Variants in SKOR1 observed in about 807,000 individuals in gnomAD.
The protein encoded by SKOR1 is LBX1 corepressor 1.
A neutral mutation model predicts 72.4 loss-of-function variants in SKOR1; 38 were observed. The ratio of observed to expected loss-of-function variants is 0.52; its 90% CI spans 0.40 to 0.69. The LOEUF is 0.69. SKOR1 is among the 30% of genes least tolerant of loss of function. The probability of loss-of-function intolerance (pLI) is 0.00; values close to 1 mark genes in which losing one functional copy is unlikely to be tolerated. For synonymous variants in SKOR1, 642 were observed against 599.4 expected, an observed-to-expected ratio of 1.07 and a Z score of -1.04; for missense variants, 1,320 against 1,343.2, an observed-to-expected ratio of 0.98 and a Z score of 0.27.
At chr15:67,830,436 T>G in intron 4 of SKOR1, 138 bp downstream of exon 4, 1 of 762,330 alleles carries the variant, frequency 1.3e-6, no homozygotes, top group Non-Finnish European at 2.2e-6. Context: ...GGCGAGCAGA[T>G]AAATATTTAA....
chr15:67,830,765 C>T, intron 4 of SKOR1, 53 bp from the exon 5 acceptor site: 4 of 1,588,622 alleles, frequency 2.5e-6, no homozygotes, highest in Non-Finnish European at 3.5e-6. Context: ...CACCCCTCCC[C>T]TCTCAAGGGC....
Position 67,833,596 on chromosome 15 carries a change from C to A in SKOR1, c.2804-146C>A. 2.4e-6 allele frequency: 2 copies of A among 829,544 alleles called. No individual in the cohort carries two copies. Among genetic ancestry groups the A allele is most frequent in the Non-Finnish European group, 2.0e-6 (1 of 500,336 alleles). The allele number at this position is 829,544 out of a possible 1,614,324, so 51.4% of individuals were successfully genotyped here. A position where few individuals can be genotyped will look rare whatever the true frequency, so the allele number is the denominator to read the frequency against. On this transcript the variant is annotated intron_variant, in intron 8 of 8. Coordinates refer to ENST00000380035, the MANE Select transcript of SKOR1 (RefSeq NM_001365915.1). The surrounding 1 kb of genome is among the most constrained non-coding windows in gnomAD (Gnocchi z 6.0). ...GTGGTTCTGAATCACCAGCTTTTGT[C>A]CTACCCTCCTGCCTCCTCCTGATCC...
In SKOR1 at chr15:67,832,869, G is replaced by A. The variant is rs144355532; in HGVS notation, c.2737+188G>A. The A allele has an allele frequency of 9.0e-5, 55 of 611,054 alleles. No individual in the cohort carries two copies. The highest frequency in any genetic ancestry group is 7.6e-4 in the African/African-American group (41 of 54,230). The allele number at this position is 611,054 out of a possible 1,614,324, so 37.9% of individuals were successfully genotyped here. ...AGCGAGCCCAGCAAACGGCTTGCAGGCATCATTACATGGAGTGATTGAACT... is the reference window on the plus strand; with the variant it reads ...AGCGAGCCCAGCAAACGGCTTGCAGACATCATTACATGGAGTGATTGAACT... On this transcript the variant is annotated intron_variant, in intron 7 of 8. Coordinates refer to ENST00000380035, the MANE Select transcript of SKOR1 (RefSeq NM_001365915.1). This position sits in a 1 kb window ranked among gnomAD's most constrained non-coding sequence, Gnocchi z 4.5.
At chr15:67,829,442 C>T (rs2090991219) in intron 3 of SKOR1, among the ~76,000 whole-genome samples, 173 bp downstream of exon 3, 1 of 152,264 alleles carries the variant, frequency 6.6e-6, no homozygotes, top group Admixed American at 6.5e-5. Context: ...AACTTCCAAT[C>T]TTTAGTTACT....
In SKOR1 at chr15:67,827,366, TGGCGGCAGCCGTGGC is replaced by T. The variant is rs763636125; in HGVS notation, c.1548_1562del (p.Val517_Ala521del). The T allele has an allele frequency of 4.3e-5, 68 of 1,568,854 alleles. No homozygotes were observed. Among genetic ancestry groups the T allele is most frequent in the Non-Finnish European group, 5.5e-5 (64 of 1,167,642 alleles). The stretch of plus-strand genomic sequence containing the variant: ...GCTGCTCAGAGCCAAGCCAAGGCCG[TGGCGGCAGCCGTGGC>T]GGCGGCAGCGGCGGCGGCAGCGGCA... On this transcript the variant is annotated inframe_deletion, in exon 2 of 9. Coordinates refer to ENST00000380035, the MANE Select transcript of SKOR1 (RefSeq NM_001365915.1).
chr15:67,827,393 C>T lies in SKOR1; in HGVS notation c.1565C>T (p.Ala522Val), dbSNP rs2090970243. Reference protein sequence around the residue: ...AVAAAVAAAAAAAAAAAGSGA... With the variant: ...AVAAAVAAAAVAAAAAAGSGA... Reference sequence around the variant, plus strand: ...GCGGCAGCCGTGGCGGCGGCAGCGGCGGCGGCAGCGGCAGCTGCTGGCAGC... The same window carrying T: ...GCGGCAGCCGTGGCGGCGGCAGCGGTGGCGGCAGCGGCAGCTGCTGGCAGC... The change falls in exon 2 of 9, where the codon GCG becomes GTG. Residue 522 changes from alanine to valine, a missense_variant. Ala to Val is a moderately conservative substitution (Grantham distance 64). This residue lies in a region of SKOR1 where 1,099 missense variants were observed against 1,025.5 expected (regional missense o/e 1.07). Coordinates refer to ENST00000380035, the MANE Select transcript of SKOR1 (RefSeq NM_001365915.1). 6.5e-7 allele frequency: 1 copy of T among 1,537,970 alleles called. No homozygotes were observed. The highest frequency in any genetic ancestry group is 2.5e-5 in the East Asian group (1 of 40,762).
chr15:67,830,082 G>C, intron 3 of SKOR1, 109 bp from the exon 4 acceptor site: 1 of 1,102,344 alleles, frequency 9.1e-7, no homozygotes, highest in Non-Finnish European at 1.3e-6. Flanking sequence ...AACCAGAGGC[G>C]GCCACGACGC....
rs1188661970 is a variant in SKOR1, at chr15:67,833,152, G to C, written c.2738-40G>C. ...CTGTGACCCCGGCCTTTCGGAGGGTGGTCTGCGTTTCCTCACTGGCCCCTC... is the reference window on the plus strand; with the variant it reads ...CTGTGACCCCGGCCTTTCGGAGGGTCGTCTGCGTTTCCTCACTGGCCCCTC... On this transcript the variant is annotated intron_variant, in intron 7 of 8. Coordinates refer to ENST00000380035, the MANE Select transcript of SKOR1 (RefSeq NM_001365915.1). The surrounding 1 kb of genome is among the most constrained non-coding windows in gnomAD (Gnocchi z 6.0). 1.2e-6 allele frequency: 2 copies of C among 1,610,746 alleles called. No homozygotes were observed. The highest frequency in any genetic ancestry group is 1.7e-6 in the Non-Finnish European group (2 of 1,177,518).
At position 67,833,939 on chromosome 15, in the gene SKOR1, C is replaced by A. The variant is rs2091028476; in HGVS notation, c.*103C>A. On this transcript the variant is annotated 3_prime_UTR_variant, in exon 9 of 9. Transcript: ENST00000380035. This position sits in a 1 kb window ranked among gnomAD's most constrained non-coding sequence, Gnocchi z 6.0. ...GAGGAACAAGCCATTCGGACCCGAC[C>A]GATGTAAATACAGCCGCCCGTCCGC... 13 of 1,289,692 alleles carry A rather than the reference C, an allele frequency of 1.0e-5. No homozygotes were observed. Among genetic ancestry groups the A allele is most frequent in the Non-Finnish European group, 1.4e-5 (13 of 904,410 alleles). 79.9% of individuals were successfully genotyped at this position (1,289,692 alleles called of 1,614,324 possible).
At chr15:67,829,583 T>C (rs2090992132) in intron 3 of SKOR1, among the ~76,000 whole-genome samples, 2 of 151,874 alleles carry the variant, frequency 1.3e-5, no homozygotes, top group Admixed American at 6.6e-5. Flanking sequence ...ATTCAGCAAG[T>C]GTGTTTGGCC....
At position 67,827,170 on chromosome 15, in the gene SKOR1, C is replaced by CCGGGGG. The variant is rs1160440715; in HGVS notation, c.1344_1349dup (p.Ala452_Gly453dup). Reference sequence around the variant, plus strand: ...GGGCCCGGGAGCCAGCCACTTGCCCCCGGGGGCAGGGGCGGGCCCGGGCGG... The same window carrying CCGGGGG: ...GGGCCCGGGAGCCAGCCACTTGCCCCCGGGGGCGGGGGCAGGGGCGGGCCCGGGCGG... On this transcript the variant is annotated inframe_insertion, in exon 2 of 9. Coordinates refer to ENST00000380035, the MANE Select transcript of SKOR1 (RefSeq NM_001365915.1). 7.4e-7 allele frequency: 1 copy of CCGGGGG among 1,355,660 alleles called. No homozygotes were observed. 84.0% of individuals were successfully genotyped at this position (1,355,660 alleles called of 1,614,324 possible).
At position 67,827,557 on chromosome 15, in the gene SKOR1, C is replaced by G; in HGVS notation, c.1729C>G (p.Pro577Ala). 3.3e-6 allele frequency: 5 copies of G among 1,520,458 alleles called. No individual in the cohort carries two copies. Among genetic ancestry groups the G allele is most frequent in the Non-Finnish European group, 4.4e-6 (5 of 1,141,180 alleles). The allele number at this position is 1,520,458 out of a possible 1,614,324, so 94.2% of individuals were successfully genotyped here. Residue 577 changes from proline to alanine, a missense_variant, in exon 2 of 9, where the codon CCG becomes GCG. Physicochemically the swap from Pro to Ala is conservative, Grantham distance 27. Around this residue, in one of 3 missense-constraint regions of SKOR1, gnomAD observed 1,099 missense variants for 1,025.5 expected, o/e 1.07. Transcript: ENST00000380035. ...CGAGGCGCTGCCACCGCCCCTGGCC[C>G]CGTTGCCCCCGCCGCCCCCGCCGCC... ...TDEALPPPLA[P>A]LPPPPPPPAR...
Position 67,827,916 on chromosome 15 carries a change from AC to A in SKOR1, c.2093del (p.Pro698LeufsTer68). ...GCCCAGACGGTGAACAGCCCACTGG[AC>A]CCCCTTCCGCCACCTCCTCTGGCGC... ...GGPDGEQPTG[P>X]PSATSSGADG... On this transcript the variant is annotated frameshift_variant, in exon 2 of 9. Coordinates refer to ENST00000380035, the MANE Select transcript of SKOR1 (RefSeq NM_001365915.1). LOFTEE classifies it high-confidence loss of function. 6.3e-7 allele frequency: 1 copy of A among 1,590,918 alleles called. No individual in the cohort carries two copies. The highest frequency in any genetic ancestry group is 8.5e-7 in the Non-Finnish European group (1 of 1,170,186).
rs990552766 is a variant in SKOR1, at chr15:67,829,339, G to A, written c.2407+70G>A. 19 of 1,310,590 alleles carry A rather than the reference G, an allele frequency of 1.4e-5. No homozygotes were observed. The African/African-American group carries it at 2.4e-4, about 16-fold the overall frequency. 81.2% of individuals were successfully genotyped at this position (1,310,590 alleles called of 1,614,324 possible). A position where few individuals can be genotyped will look rare whatever the true frequency, so the allele number is the denominator to read the frequency against. On this transcript the variant is annotated intron_variant, in intron 3 of 8. Transcript: ENST00000380035. ...AGACAGAGGGCCGGGGTCAAGGAAG[G>A]CCTGCGAAGGAAGACAAGGAGAGAG...
At position 67,832,222 on chromosome 15, in the gene SKOR1, A is replaced by G. The variant is rs1478267469; in HGVS notation, c.2588-52A>G. 10 of 1,577,408 alleles carry G rather than the reference A, an allele frequency of 6.3e-6. No individual in the cohort carries two copies. In the East Asian group the frequency reaches 2.0e-4, roughly 32 times the overall value. On this transcript the variant is annotated intron_variant, in intron 5 of 8. Coordinates refer to ENST00000380035, the MANE Select transcript of SKOR1 (RefSeq NM_001365915.1). This position sits in a 1 kb window ranked among gnomAD's most constrained non-coding sequence, Gnocchi z 4.5. ...TTGGCCAAGGCAGAACCTGAGCTCC[A>G]AATAACCCTGCTTTACCTCCCACTT...
At position 67,826,931 on chromosome 15, in the gene SKOR1, G is replaced by T. The variant is rs1284833507; in HGVS notation, c.1103G>T (p.Gly368Val). The change falls in exon 2 of 9, where the codon GGC (glycine) becomes GTC (valine). Residue 368 changes from glycine to valine, a missense_variant. This residue lies in a region of SKOR1 where 1,099 missense variants were observed against 1,025.5 expected (regional missense o/e 1.07). Coordinates refer to ENST00000380035, the MANE Select transcript of SKOR1 (RefSeq NM_001365915.1). The part of the protein sequence containing the change: ...AGPGGPGGGA[G>V]VRSYPVIPVP... ...CCAGGAGGGCCCGGTGGCGGCGCCGGCGTACGAAGCTACCCGGTGATCCCG... is the reference window on the plus strand; with the variant it reads ...CCAGGAGGGCCCGGTGGCGGCGCCGTCGTACGAAGCTACCCGGTGATCCCG... 1.3e-6 allele frequency: 2 copies of T among 1,577,366 alleles called. No individual in the cohort carries two copies. Among genetic ancestry groups the T allele is most frequent in the South Asian group, 2.3e-5 (2 of 87,714 alleles).
Position 67,833,997 on chromosome 15 carries a change from G to A in SKOR1, c.*161G>A. 2.6e-6 allele frequency: 2 copies of A among 779,236 alleles called. No homozygotes were observed. The highest frequency in any genetic ancestry group is 4.3e-6 in the Non-Finnish European group (2 of 469,910). 48.3% of individuals were successfully genotyped at this position (779,236 alleles called of 1,614,324 possible). ...CCTCCCGGGCTCCCCGGCCTTGCCC[G>A]CCCCCTCCCGGGCGTCCCTGTCCAG... On this transcript the variant is annotated 3_prime_UTR_variant, in exon 9 of 9. Coordinates refer to ENST00000380035, the MANE Select transcript of SKOR1 (RefSeq NM_001365915.1). The surrounding 1 kb of genome is among the most constrained non-coding windows in gnomAD (Gnocchi z 6.0).
In SKOR1 at chr15:67,830,236, C is replaced by A. The variant is rs770589036; in HGVS notation, c.2453C>A (p.Thr818Lys). ...CACTCGCCCGCCGATGATTTGGAAA[C>A]GAGGAAATCCTATCCAGACCAAAGG... ...DNHSPADDLE[T>K]RKSYPDQRSI... The change falls in exon 4 of 9, where the codon ACG (threonine) becomes AAG (lysine). Residue 818 changes from threonine to lysine, a missense_variant. Coordinates refer to ENST00000380035, the MANE Select transcript of SKOR1 (RefSeq NM_001365915.1). The A allele has an allele frequency of 6.2e-7, 1 of 1,614,182 alleles. No homozygotes were observed. The highest frequency in any genetic ancestry group is 8.5e-7 in the Non-Finnish European group (1 of 1,180,028).
intron 5 of SKOR1, among the ~76,000 whole-genome samples, chr15:67,831,616 C>G (rs1299762592): frequency 2.0e-5 from 3 of 152,176 alleles, no homozygotes; most frequent in Non-Finnish European, 4.4e-5. Context: ...ACAGAGGCCT[C>G]TACACCTAGC....
Sources: gnomAD v4.1 joint callset for allele counts (sites outside exome capture counted in the v4.1 genomes callset) on GRCh38, gnomAD v4.1.1 for gene constraint, gnomAD v4.1.1 regional missense constraint, Gnocchi (gnomAD v3.1) non-coding constraint, MANE v1.5 for transcripts, NCBI Gene and HGNC (gene_info 2026-07-23, HGNC 2026-07-21) for gene names.